ZNF445: variants seen among roughly 807,000 people sequenced by gnomAD.
ZNF445 encodes zinc finger protein 168.
Under a neutral mutation model 93.9 loss-of-function variants are expected in ZNF445, and 19 were observed. The observed-to-expected ratio is 0.20, with a 90% CI of 0.14 to 0.30. The LOEUF (loss-of-function observed/expected upper bound fraction) is 0.30. Ranked by LOEUF, ZNF445 falls within the 10% of genes least tolerant of loss-of-function variation. ZNF445 has a pLI of 1.00. For synonymous variants in ZNF445, 449 were observed against 446.3 expected, an observed-to-expected ratio of 1.01 and a Z score of -0.08; for missense variants, 1,058 against 1,259.4, an observed-to-expected ratio of 0.84 and a Z score of 2.42.
rs1368985625 is a variant in ZNF445 at position 44,440,331 on chromosome 3, T to G, written c.*6244A>C. On this transcript the variant is annotated 3_prime_UTR_variant, in exon 8 of 8. Coordinates refer to ENST00000396077, the MANE Select transcript of ZNF445 (RefSeq NM_181489.6). ...CTTTTCCTCATCTAATAAAGTAGAATGAAAAACATCTCCATCTTCTGGATC... is the reference window on the plus strand; with the variant it reads ...CTTTTCCTCATCTAATAAAGTAGAAGGAAAAACATCTCCATCTTCTGGATC... 1 of 152,218 alleles carries G rather than the reference T, an allele frequency of 6.6e-6. No homozygotes were observed. The highest frequency in any genetic ancestry group is 2.4e-5 in the African/African-American group (1 of 41,470). The allele number at this position is 152,218 out of a possible 1,614,324, so 9.4% of individuals were successfully genotyped here.
At position 44,451,408 on chromosome 3, in the gene ZNF445, G is replaced by A; in HGVS notation, c.504C>T (p.Ser168=). ...TGALRSAQIW[S]LASPLRSSSA... is the part of the protein sequence containing the mutation. ...AGCTGCTCCTGAGAGGTGAAGCAAG[G>A]GACCATATCTGTGCAGATCGCAGGG... The change falls in exon 4 of 8, where the codon TCC becomes TCT. Residue 168 remains serine, a synonymous_variant. Transcript: ENST00000396077. The A allele has an allele frequency of 6.2e-7, 1 of 1,614,124 alleles. No individual in the cohort carries two copies. Among genetic ancestry groups the A allele is most frequent in the Non-Finnish European group, 8.5e-7 (1 of 1,180,014 alleles).
intron 3 of ZNF445, among the ~76,000 whole-genome samples, chr3:44,454,193 C>CAA (rs560656049): frequency 4.9e-5 from 5 of 102,130 alleles, no homozygotes; most frequent in African/African-American, 1.5e-4. Context: ...GGGTATGCCT[C>CAA]AAAAAAAAAA....
Position 44,437,911 on chromosome 3 carries a change from G to T in ZNF445, c.*8664C>A. 1 of 152,662 alleles carries T rather than the reference G, an allele frequency of 6.6e-6. No individual in the cohort carries two copies. The highest frequency in any genetic ancestry group is 1.9e-4 in the South Asian group (1 of 5,220). The allele number at this position is 152,662 out of a possible 1,614,324, so 9.5% of individuals were successfully genotyped here. On this transcript the variant is annotated 3_prime_UTR_variant, in exon 8 of 8. Transcript: ENST00000396077. ...GGTCCCAATTCAATCCTAGAGGGTA[G>T]GAATGCCTAACTTTCTGAGAATGCA...
intron 1 of ZNF445, among the ~76,000 whole-genome samples, chr3:44,477,019 T>C (rs1332675950): frequency 6.6e-6 from 1 of 152,222 alleles, no homozygotes; most frequent in East Asian, 1.9e-4. Context: ...AGCAGTAGTA[T>C]GGATATACTT....
rs1279477012 is a variant in ZNF445, at chr3:44,442,877, C to G, written c.*3698G>C. 6.6e-6 allele frequency: 1 copy of G among 152,184 alleles called. No individual in the cohort carries two copies. Among genetic ancestry groups the G allele is most frequent in the Admixed American group, 6.5e-5 (1 of 15,286 alleles). The allele number at this position is 152,184 out of a possible 1,614,324, so 9.4% of individuals were successfully genotyped here. A position where few individuals can be genotyped will look rare whatever the true frequency, so the allele number is the denominator to read the frequency against. On this transcript the variant is annotated 3_prime_UTR_variant, in exon 8 of 8. Coordinates refer to ENST00000396077, the MANE Select transcript of ZNF445 (RefSeq NM_181489.6). ...ACAGCCCCTTAAAAAAAACCCAACC[C>G]TGACTCAGCCAAACTAAATTCAGCT...
rs767755683 is a variant in ZNF445 at position 44,448,543 on chromosome 3, T to G, written c.1128A>C (p.Glu376Asp). Residue 376 changes from glutamate (E) to aspartate (D), a missense_variant, in exon 8 of 8, where the codon GAA becomes GAC. By Grantham distance (45) the Glu-to-Asp change is conservative. Coordinates refer to ENST00000396077, the MANE Select transcript of ZNF445 (RefSeq NM_181489.6). ...CTGTCCTGTGACTGAAATTGGTCTC[T>G]TCTTTCTTAACTCTTACTTGTATGG... ...ENPIQVRVKK[E>D]ETNFSHRTGK... The G allele has an allele frequency of 1.2e-6, 2 of 1,614,030 alleles. No individual in the cohort carries two copies. Among genetic ancestry groups the G allele is most frequent in the African/African-American group, 2.7e-5 (2 of 74,942 alleles).
rs186478232 is a variant in ZNF445 at position 44,434,074 on chromosome 3, T to C, written c.*12501A>G. On this transcript the variant is annotated 3_prime_UTR_variant, in exon 8 of 8. Coordinates refer to ENST00000396077, the MANE Select transcript of ZNF445 (RefSeq NM_181489.6). ...TGATTCAGAAAATCACATACAAAAT[T>C]GTCTCGTGTCCCTTTTAAACATATA... 5.9e-5 allele frequency: 9 copies of C among 152,136 alleles called. No individual in the cohort carries two copies. The highest frequency in any genetic ancestry group is 2.2e-4 in the African/African-American group (9 of 41,524). 9.4% of individuals were successfully genotyped at this position (152,136 alleles called of 1,614,324 possible).
At chr3:44,461,152 C>T (rs1272957948) in intron 1 of ZNF445, among the ~76,000 whole-genome samples, 1 of 152,126 alleles carries the variant, frequency 6.6e-6, no homozygotes, top group East Asian at 1.9e-4. Flanking sequence ...CCAATGCCTC[C>T]TTCCTTCTCC....
At chr3:44,466,638 A>G (rs1698199274) in intron 1 of ZNF445, among the ~76,000 whole-genome samples, 1 of 152,164 alleles carries the variant, frequency 6.6e-6, no homozygotes, top group Non-Finnish European at 1.5e-5. Context: ...TCATCCACGG[A>G]CAATTGTCTC....
At chr3:44,470,510 G>C (rs773769055) in intron 1 of ZNF445, among the ~76,000 whole-genome samples, 2 of 151,918 alleles carry the variant, frequency 1.3e-5, no homozygotes, top group Non-Finnish European at 2.9e-5. Flanking sequence ...TATTTTTTTT[G>C]TCTTCTATTT....
In ZNF445 at chr3:44,451,416, T is replaced by G. The variant is rs139456397; in HGVS notation, c.496A>C (p.Ile166Leu). Residue 166 changes from isoleucine to leucine, a missense_variant, in exon 4 of 8, where the codon ATA becomes CTA. Physicochemically the swap from Ile to Leu is conservative, Grantham distance 5 (BLOSUM62 2). Around this residue, in one of 3 missense-constraint regions of ZNF445, gnomAD observed 657 missense variants for 746.4 expected, o/e 0.88. Coordinates refer to ENST00000396077, the MANE Select transcript of ZNF445 (RefSeq NM_181489.6). ...CTGAGAGGTGAAGCAAGGGACCATA[T>G]CTGTGCAGATCGCAGGGCTCCTGTA... ...MGTGALRSAQ[I>L]WSLASPLRSS... is the part of the protein sequence containing the mutation. 2.9e-5 allele frequency: 47 copies of G among 1,613,954 alleles called. No homozygotes were observed. Among genetic ancestry groups the G allele is most frequent in the Non-Finnish European group, 3.6e-5 (43 of 1,180,000 alleles).
chr3:44,472,849 G>C (rs1235917417), intron 1 of ZNF445, among the ~76,000 whole-genome samples: 1 of 152,126 alleles, frequency 6.6e-6, no homozygotes, highest in African/African-American at 2.4e-5. Flanking sequence ...ACTCAGAACT[G>C]GGAAGGAACA....
chr3:44,460,795 T>C lies in ZNF445; in HGVS notation c.-268-2431A>G, dbSNP rs550210144. Among the ~76,000 whole-genome samples, 9 of 152,342 alleles carry C rather than the reference T, an allele frequency of 5.9e-5. No homozygotes were observed. In the East Asian group the frequency reaches 1.7e-3, roughly 29 times the overall value. On this transcript the variant is annotated intron_variant, in intron 1 of 7. Transcript: ENST00000396077. ...TTTCTCTATTGCAATTCCCCTGTCT[T>C]GATGAATCAGCTCTGTCTAAGCAGC...
In ZNF445 at chr3:44,455,274, T is replaced by G. The variant is rs781140758; in HGVS notation, c.276A>C (p.Ala92=). The change falls in exon 3 of 8, where the codon GCA becomes GCC. Residue 92 remains alanine (A), a synonymous_variant. Coordinates refer to ENST00000396077, the MANE Select transcript of ZNF445 (RefSeq NM_181489.6). The part of the protein sequence containing the change: ...WWLRPDVLSK[A]QILELLVLEQ... ...CCAGCACCAGCAGCTCTAGGATCTG[T>G]GCCTTGGAGAGAACGTCAGGCCTCA... 44 of 1,614,074 alleles carry G rather than the reference T, an allele frequency of 2.7e-5. No individual in the cohort carries two copies. Among genetic ancestry groups the G allele is most frequent in the Admixed American group, 1.0e-4 (6 of 60,008 alleles).
intron 1 of ZNF445, among the ~76,000 whole-genome samples, chr3:44,466,022 A>G (rs1489743569): frequency 6.6e-6 from 1 of 152,238 alleles, no homozygotes; most frequent in Non-Finnish European, 1.5e-5. Flanking sequence ...ATGATTTTTA[A>G]TTAATGTTAA....
At position 44,455,630 on chromosome 3, in the gene ZNF445, G is replaced by T; in HGVS notation, c.-81C>A. 1 of 1,335,906 alleles carries T rather than the reference G, an allele frequency of 7.5e-7. No individual in the cohort carries two copies. The highest frequency in any genetic ancestry group is 1.0e-6 in the Non-Finnish European group (1 of 985,670). 82.8% of individuals were successfully genotyped at this position (1,335,906 alleles called of 1,614,324 possible). On this transcript the variant is annotated 5_prime_UTR_variant, in exon 3 of 8. The change creates a new upstream start codon in the 5' untranslated region. Coordinates refer to ENST00000396077, the MANE Select transcript of ZNF445 (RefSeq NM_181489.6). The stretch of plus-strand genomic sequence containing the variant: ...GGTCCTCAGAAGTATCTTCTCAGCA[G>T]TCAACAATGCCAACATTTGCTGGGA...
chr3:44,450,031 C>T (rs1697935283), intron 6 of ZNF445: 8 of 301,674 alleles, frequency 2.7e-5, no homozygotes, highest in South Asian at 2.5e-4. Flanking sequence ...GCCTCATCCT[C>T]CTGGGCTCAA....
In ZNF445 at chr3:44,454,354, A is replaced by G. The variant is rs1697997301; in HGVS notation, c.429+767T>C. Among the ~76,000 whole-genome samples, 9 of 152,124 alleles carry G rather than the reference A, an allele frequency of 5.9e-5. No homozygotes were observed. The South Asian group carries it at 1.9e-3, about 32-fold the overall frequency. ...CCAACACCCACCACTTTACAGGGCT[A>G]TGGTTAGTCTCAAGTCAAATTAGAT... On this transcript the variant is annotated intron_variant, in intron 3 of 7. Transcript: ENST00000396077.
chr3:44,452,810 CTATT>C (rs1697974383), intron 3 of ZNF445, among the ~76,000 whole-genome samples: 2 of 151,740 alleles, frequency 1.3e-5, no homozygotes, highest in African/African-American at 4.8e-5. Flanking sequence ...TACCCTGTGT[CTATT>C]TATTACCATT....
Sources: allele counts gnomAD v4.1 joint callset (sites outside exome capture counted in the v4.1 genomes callset), GRCh38; gene constraint gnomAD v4.1.1; regional missense constraint gnomAD v4.1.1; transcripts MANE v1.5; gene names NCBI Gene and HGNC (gene_info 2026-07-23, HGNC 2026-07-21).